The following NTM variants were observed in gnomAD, a reference collection of about 807,000 sequenced individuals.
The protein encoded by NTM is neurotrimin, also known as IgLON family member 2.
NTM carries 13 observed loss-of-function variants against 42.1 expected under a neutral mutation model. The observed-to-expected ratio is 0.31, with a 90% CI of 0.20 to 0.49. The LOEUF (loss-of-function observed/expected upper bound fraction) is 0.49, where lower values mean the gene tolerates loss of function less well. NTM is among the 20% of genes least tolerant of loss of function. NTM has a pLI of 0.99. For synonymous variants in NTM, 187 were observed against 179.2 expected, an observed-to-expected ratio of 1.04 and a Z score of -0.35; for missense variants, 373 against 452.8, an observed-to-expected ratio of 0.82 and a Z score of 1.60.
intron 1 of NTM, among the ~76,000 whole-genome samples, chr11:131,382,915 CT>C (rs71475748): frequency 5.7e-4 from 86 of 151,384 alleles, no homozygotes; most frequent in African/African-American, 2.0e-3. Context: ...TAGTTTCATT[CT>C]TTTTTTTTGG....
At chr11:131,620,583 C>G (rs1036669806) in intron 1 of NTM, among the ~76,000 whole-genome samples, 2 of 152,196 alleles carry the variant, frequency 1.3e-5, no homozygotes, top group African/African-American at 4.8e-5. Flanking sequence ...CTCAAACACA[C>G]CAGGCATAAT....
chr11:132,060,237 C>T (rs1169764867), intron 2 of NTM, among the ~76,000 whole-genome samples: 1 of 152,246 alleles, frequency 6.6e-6, no homozygotes, highest in Non-Finnish European at 1.5e-5. Context: ...ATTCTTTCAA[C>T]ACTTAAGTGT....
At chr11:131,824,631 T>C (rs769008020) in intron 1 of NTM, among the ~76,000 whole-genome samples, 1 of 152,240 alleles carries the variant, frequency 6.6e-6, no homozygotes, top group Non-Finnish European at 1.5e-5. Flanking sequence ...TGTGTTTTTC[T>C]AGCCTGTATT....
intron 1 of NTM, among the ~76,000 whole-genome samples, chr11:131,868,490 C>A (rs1027201175): frequency 6.6e-6 from 1 of 152,178 alleles, no homozygotes; most frequent in East Asian, 1.9e-4. Flanking sequence ...TGTGCAGACC[C>A]TTCAGTGGGC....
At chr11:131,664,944 T>A (rs1256406857) in intron 1 of NTM, among the ~76,000 whole-genome samples, 3 of 152,096 alleles carry the variant, frequency 2.0e-5, no homozygotes, top group Admixed American at 2.0e-4. Context: ...GACTTTGAAC[T>A]CCTGGAGCCC....
intron 2 of NTM, among the ~76,000 whole-genome samples, chr11:131,994,004 C>CCA (rs2067498785): frequency 2.1e-5 from 2 of 95,560 alleles, no homozygotes; most frequent in African/African-American, 6.9e-5. Flanking sequence ...ACTCCATCTC[C>CCA]AAAAAAAAAA....
intron 2 of NTM, among the ~76,000 whole-genome samples, chr11:132,121,992 G>A (rs1222572989): frequency 6.6e-6 from 1 of 152,190 alleles, no homozygotes; most frequent in Non-Finnish European, 1.5e-5. Context: ...GACACCATGG[G>A]CTGGCATTCA....
intron 1 of NTM, among the ~76,000 whole-genome samples, chr11:131,761,796 C>T (rs904874450): frequency 1.4e-5 from 2 of 147,116 alleles, no homozygotes; most frequent in Non-Finnish European, 3.0e-5. Context: ...GCAATAAGAG[C>T]GAAACTCTGT....
At position 131,992,690 on chromosome 11, in the gene NTM, G is replaced by T. The variant is rs1001932520; in HGVS notation, c.167+81042G>T. Among the ~76,000 whole-genome samples, 3 of 152,116 alleles carry T rather than the reference G, an allele frequency of 2.0e-5. No homozygotes were observed. The East Asian group carries it at 5.8e-4, about 29-fold the overall frequency. ...TCTTACACACACAATTGCCTGAAAA[G>T]ATTGAATACTTTTCTATGTTCCTCT... On this transcript the variant is annotated intron_variant, in intron 2 of 8. Transcript: ENST00000683400.
chr11:131,585,680 C>T (rs1188850872), intron 1 of NTM, among the ~76,000 whole-genome samples: 1 of 152,124 alleles, frequency 6.6e-6, no homozygotes, highest in African/African-American at 2.4e-5. Context: ...CATTTCATGC[C>T]TCTATGTAGG....
chr11:132,154,255 G>T (rs374772908), intron 3 of NTM, among the ~76,000 whole-genome samples: 3 of 152,140 alleles, frequency 2.0e-5, no homozygotes, highest in Admixed American at 6.6e-5. Flanking sequence ...ACATTAGATT[G>T]TTTTGACAAT....
At chr11:132,168,637 G>A (rs905822651) in intron 3 of NTM, among the ~76,000 whole-genome samples, 1 of 152,190 alleles carries the variant, frequency 6.6e-6, no homozygotes, top group African/African-American at 2.4e-5. Flanking sequence ...ATTAAATATT[G>A]ATTTTCTGTT....
At chr11:132,068,903 G>A (rs1387500405) in intron 2 of NTM, among the ~76,000 whole-genome samples, 1 of 152,238 alleles carries the variant, frequency 6.6e-6, no homozygotes, top group African/African-American at 2.4e-5. Flanking sequence ...GACCCACCCA[G>A]ATTATCCAGG....
chr11:131,788,330 C>T (rs2089608443), intron 1 of NTM, among the ~76,000 whole-genome samples: 1 of 151,886 alleles, frequency 6.6e-6, no homozygotes, highest in African/African-American at 2.4e-5. Flanking sequence ...TCCTTCCTGC[C>T]TTATGGATCA....
intron 1 of NTM, among the ~76,000 whole-genome samples, chr11:131,775,981 C>T (rs1209272951): frequency 2.6e-5 from 4 of 152,144 alleles, no homozygotes; most frequent in African/African-American, 2.4e-5. Flanking sequence ...CCAGCATCCA[C>T]GGGCCAGGAA....
At chr11:132,280,252 G>A (rs1436754334) in intron 4 of NTM, among the ~76,000 whole-genome samples, 1 of 152,156 alleles carries the variant, frequency 6.6e-6, no homozygotes, top group Non-Finnish European at 1.5e-5. Context: ...AGGTTTGCTA[G>A]CAAAGTTCCT....
chr11:132,116,519 C>T (rs570461981), intron 2 of NTM, among the ~76,000 whole-genome samples: 8 of 152,278 alleles, frequency 5.3e-5, no homozygotes, highest in Admixed American at 4.6e-4. Flanking sequence ...CATGAGTGCC[C>T]GCACCTCTTC....
At chr11:132,214,470 C>CT (rs2083450251) in intron 4 of NTM, among the ~76,000 whole-genome samples, 2 of 152,074 alleles carry the variant, frequency 1.3e-5, no homozygotes, top group Admixed American at 1.3e-4. Flanking sequence ...CATGCGTCTC[C>CT]TTTTTGTCCT....
In NTM at chr11:131,929,507, G is replaced by GTT. The variant is rs34433748; in HGVS notation, c.167+17866_167+17867dup. Among the ~76,000 whole-genome samples, 13 of 150,660 alleles carry GTT rather than the reference G, an allele frequency of 8.6e-5. No homozygotes were observed. The South Asian group carries it at 1.3e-3, about 15-fold the overall frequency. On this transcript the variant is annotated intron_variant, in intron 2 of 8. Coordinates refer to ENST00000683400, the MANE Select transcript of NTM (RefSeq NM_001352005.2). ...CTTATTGCCCTTATAAAAACTTTCC[G>GTT]TTTTTTTTGTATACGGCAAAGGCTG...
Sources: allele counts gnomAD v4.1 joint callset (sites outside exome capture counted in the v4.1 genomes callset), GRCh38; gene constraint gnomAD v4.1.1; transcripts MANE v1.5; gene names NCBI Gene and HGNC (gene_info 2026-07-23, HGNC 2026-07-21).